The following HIP1 variants were observed in gnomAD, a reference collection of about 807,000 sequenced individuals.
HIP1 encodes huntingtin interacting protein 1.
In HIP1, 65 loss-of-function variants were observed where a neutral mutation model predicts 147.6. That is an observed-to-expected ratio of 0.44 (90% CI 0.36 to 0.54). HIP1 has a LOEUF of 0.54. Among genes scored for constraint, HIP1 ranks in the 20% least tolerant of loss-of-function variants. The pLI, the probability that HIP1 is intolerant of heterozygous loss-of-function variation, is 0.00. For missense variants in HIP1, 1,061 were observed against 1,299.6 expected (o/e 0.82, Z 2.82); for synonymous variants, 479 against 504.0 (o/e 0.95, Z 0.67).
chr7:75,662,081 G>C (rs1380208184), intron 1 of HIP1, among the ~76,000 whole-genome samples: 26 of 151,424 alleles, frequency 1.7e-4, no homozygotes, highest in African/African-American at 5.8e-4. Flanking sequence ...TGAAGGTGGA[G>C]GGGAGGGAGG....
At chr7:75,731,643 A>G (rs1176770315) in intron 1 of HIP1, among the ~76,000 whole-genome samples, 3 of 152,088 alleles carry the variant, frequency 2.0e-5, no homozygotes, top group African/African-American at 7.2e-5. Flanking sequence ...CGCCAGGTTC[A>G]AGGCTCAGGG....
rs1554513990 is a variant in HIP1 at position 75,663,930 on chromosome 7, G to GTGTGTATATATATATATACACATATA, written c.121-64709_121-64684dup. Among the ~76,000 whole-genome samples, 65 of 63,762 alleles carry GTGTGTATATATATATATACACATATA rather than the reference G, an allele frequency of 1.0e-3. 19 individuals are homozygous for GTGTGTATATATATATATACACATATA. Among genetic ancestry groups the GTGTGTATATATATATATACACATATA allele is most frequent in the Non-Finnish European group, 1.7e-3 (57 of 33,702 alleles). 41.8% of individuals were successfully genotyped at this position (63,762 alleles called of 152,430 possible). ...AGCTACCTTCCATTATTTTATGTAT[G>GTGTGTATATATATATATACACATATA]TGTGTATATATATATATACACATAT... On this transcript the variant is annotated intron_variant, in intron 1 of 30. Coordinates refer to ENST00000336926, the MANE Select transcript of HIP1 (RefSeq NM_005338.7).
intron 1 of HIP1, among the ~76,000 whole-genome samples, chr7:75,722,746 T>TA (rs1223273090): frequency 9.9e-5 from 15 of 151,970 alleles, no homozygotes; most frequent in East Asian, 1.9e-4. Flanking sequence ...TAGCACTTGA[T>TA]AAAAAAAAAT....
At chr7:75,617,160 C>T (rs587603748) in intron 1 of HIP1, among the ~76,000 whole-genome samples, 9 of 151,622 alleles carry the variant, frequency 5.9e-5, no homozygotes, top group South Asian at 2.1e-4. Flanking sequence ...CTGCAACCTC[C>T]GCCTCCCCGG....
At position 75,555,569 on chromosome 7, in the gene HIP1, A is replaced by G. The variant is rs782248958; in HGVS notation, c.1828-18T>C. ...ATAGATTCCTAAAAATGGTCCAGGGAGGTGAGAGTCTGCCCTAGACTCCAT... is the reference window on the plus strand; with the variant it reads ...ATAGATTCCTAAAAATGGTCCAGGGGGGTGAGAGTCTGCCCTAGACTCCAT... On this transcript the variant is annotated intron_variant, in intron 18 of 30. Transcript: ENST00000336926. 20 of 1,613,792 alleles carry G rather than the reference A, an allele frequency of 1.2e-5. No homozygotes were observed. The highest frequency in any genetic ancestry group is 1.7e-6 in the Non-Finnish European group (2 of 1,179,932).
At position 75,561,357 on chromosome 7, in the gene HIP1, T is replaced by C; in HGVS notation, c.1163A>G (p.Lys388Arg). ...AGTCTTCATGTTTTCTAGCTGTGCC[T>C]TCAATCCACTGATCTCTCTGTATAG... The part of the protein sequence containing the change: ...ERLYREISGL[K>R]AQLENMKTES... The change falls in exon 13 of 31, where the codon AAG becomes AGG. Residue 388 changes from lysine (K) to arginine (R), a missense_variant. Transcript: ENST00000336926. 6.2e-7 allele frequency: 1 copy of C among 1,613,196 alleles called. No individual in the cohort carries two copies. The highest frequency in any genetic ancestry group is 8.5e-7 in the Non-Finnish European group (1 of 1,179,124).
In HIP1 at chr7:75,539,093, A is replaced by T. The variant is rs587691190; in HGVS notation, c.3061+230T>A. 4.6e-5 allele frequency among the ~76,000 whole-genome samples: 7 copies of T among 152,334 alleles called. No individual in the cohort carries two copies. In the South Asian group the frequency reaches 1.4e-3, roughly 32 times the overall value. ...AGTGAGTGAGTTATGATCAATGTTT[A>T]GGTCTTAAAAGGTGACAACAAAAGC... is the stretch of plus-strand genomic sequence containing the variant. On this transcript the variant is annotated intron_variant, in intron 30 of 30. Coordinates refer to ENST00000336926, the MANE Select transcript of HIP1 (RefSeq NM_005338.7).
Position 75,545,248 on chromosome 7 carries a change from G to A in HIP1, c.2560-60C>T, listed in dbSNP as rs1464057336. On this transcript the variant is annotated intron_variant, in intron 25 of 30. Coordinates refer to ENST00000336926, the MANE Select transcript of HIP1 (RefSeq NM_005338.7). ...ATTGAGCATGTACTATATGGCAGGT[G>A]CTTTTATACATATATTATCCCAAAT... 17 of 927,752 alleles carry A rather than the reference G, an allele frequency of 1.8e-5. No homozygotes were observed. The Admixed American group carries it at 2.6e-4, about 14-fold the overall frequency. 57.5% of individuals were successfully genotyped at this position (927,752 alleles called of 1,614,324 possible).
chr7:75,562,416 G>A (rs1554494755), intron 11 of HIP1, among the ~76,000 whole-genome samples: 1 of 152,130 alleles, frequency 6.6e-6, no homozygotes, highest in Non-Finnish European at 1.5e-5. Context: ...AGCCTCCTGA[G>A]TAGCTGGAAG....
intron 4 of HIP1, among the ~76,000 whole-genome samples, chr7:75,591,654 G>A (rs1554500771): frequency 4.6e-5 from 7 of 151,436 alleles, no homozygotes; most frequent in Non-Finnish European, 4.4e-5. Context: ...GGAGGCTGAG[G>A]TGGGAGGATC....
chr7:75,549,680 ATT>A (rs1794708519), intron 22 of HIP1, among the ~76,000 whole-genome samples: 1 of 150,076 alleles, frequency 6.7e-6, no homozygotes, highest in South Asian at 2.1e-4. Context: ...CTAATTTTTT[ATT>A]TTTTTGAGAC....
chr7:75,576,700 C>T (rs1343694542), intron 7 of HIP1, among the ~76,000 whole-genome samples: 2 of 152,220 alleles, frequency 1.3e-5, no homozygotes, highest in South Asian at 2.1e-4. Context: ...CAGAGCAAGG[C>T]TCCGTTTCAG....
chr7:75,535,920 G>A lies in HIP1; in HGVS notation c.*2252C>T. The A allele has an allele frequency of 5.8e-6, 1 of 173,244 alleles. No individual in the cohort carries two copies. The highest frequency in any genetic ancestry group is 1.2e-5 in the Non-Finnish European group (1 of 80,372). The allele number at this position is 173,244 out of a possible 1,614,324, so 10.7% of individuals were successfully genotyped here. A position where few individuals can be genotyped will look rare whatever the true frequency, so the allele number is the denominator to read the frequency against. On this transcript the variant is annotated 3_prime_UTR_variant, in exon 31 of 31. Coordinates refer to ENST00000336926, the MANE Select transcript of HIP1 (RefSeq NM_005338.7). ...TAGAGATGGGGGTTTCACCATGTTGGACAGGCTGGTCTTGAACTCCTGACC... is the reference window on the plus strand; with the variant it reads ...TAGAGATGGGGGTTTCACCATGTTGAACAGGCTGGTCTTGAACTCCTGACC...
chr7:75,679,342 T>C (rs1799989260), intron 1 of HIP1, among the ~76,000 whole-genome samples: 1 of 152,186 alleles, frequency 6.6e-6, no homozygotes, highest in Non-Finnish European at 1.5e-5. Context: ...TAGCTGGGAC[T>C]ACAGGCATGC....
rs374134518 is a variant in HIP1 at position 75,592,524 on chromosome 7, G to C, written c.185-10C>G. 1 of 1,607,628 alleles carries C rather than the reference G, an allele frequency of 6.2e-7. No individual in the cohort carries two copies. Among genetic ancestry groups the C allele is most frequent in the African/African-American group, 1.3e-5 (1 of 74,420 alleles). On this transcript the variant is annotated splice_polypyrimidine_tract_variant and intron_variant, in intron 2 of 30. Coordinates refer to ENST00000336926, the MANE Select transcript of HIP1 (RefSeq NM_005338.7). Reference sequence around the variant, plus strand: ...GTGCCCAGTATGCACGGTGAGGGGGGGTTATGGAAAACAACGGATGGGCTC... The same window carrying C: ...GTGCCCAGTATGCACGGTGAGGGGGCGTTATGGAAAACAACGGATGGGCTC...
chr7:75,726,815 T>G (rs1554522391), intron 1 of HIP1, among the ~76,000 whole-genome samples: 1 of 151,318 alleles, frequency 6.6e-6, no homozygotes, highest in African/African-American at 2.4e-5. Context: ...TAGCTGGGAT[T>G]ACAGGCACGC....
At chr7:75,675,445 C>T (rs1416763904) in intron 1 of HIP1, among the ~76,000 whole-genome samples, 1 of 152,092 alleles carries the variant, frequency 6.6e-6, no homozygotes, top group Non-Finnish European at 1.5e-5. Flanking sequence ...AGGTGTTTGG[C>T]CTCACCTTGG....
At chr7:75,677,160 A>T (rs1173554844) in intron 1 of HIP1, among the ~76,000 whole-genome samples, 2 of 151,960 alleles carry the variant, frequency 1.3e-5, no homozygotes, top group African/African-American at 4.8e-5. Flanking sequence ...GTGCCATTGC[A>T]CTCCAGTCTG....
At chr7:75,634,941 G>GAAAAAAAAAAAAAAAAAAAAAA (rs58461422) in intron 1 of HIP1, among the ~76,000 whole-genome samples, 1 of 62,582 alleles carries the variant, frequency 1.6e-5, no homozygotes, top group Non-Finnish European at 2.9e-5. Flanking sequence ...CACTATCTCT[G>GAAAAAAAAAAAAAAAAAAAAAA]AAAAAAAAAA....
Sources: gnomAD v4.1 joint callset for allele counts (sites outside exome capture counted in the v4.1 genomes callset) on GRCh38, gnomAD v4.1.1 for gene constraint, MANE v1.5 for transcripts, NCBI Gene and HGNC (gene_info 2026-07-23, HGNC 2026-07-21) for gene names.